KIAA0586: variants seen among roughly 807,000 people sequenced by gnomAD.
KIAA0586 encodes the protein KIAA0586.
A neutral mutation model predicts 169.8 loss-of-function variants in KIAA0586; 144 were observed. The ratio of observed to expected loss-of-function variants is 0.85; its 90% confidence interval spans 0.74 to 0.97. KIAA0586 has a LOEUF of 0.97. KIAA0586 is among the 50% of genes least tolerant of loss of function. The pLI is 0.00. For missense variants in KIAA0586, 1,854 were observed against 1,823.0 expected (o/e 1.02, Z -0.31); for synonymous variants, 625 against 612.4 (o/e 1.02, Z -0.30).
Position 58,450,752 on chromosome 14 carries a change from A to T in KIAA0586, c.1129+6A>T. 6.3e-7 allele frequency: 1 copy of T among 1,575,076 alleles called. No individual in the cohort carries two copies. Among genetic ancestry groups the T allele is most frequent in the Non-Finnish European group, 8.7e-7 (1 of 1,147,832 alleles). ...GGAAGTGTCGTGTCACAGAGGTAAT[A>T]GAGACTTTTACTAGACCTATCCCAA... On this transcript the variant is annotated splice_donor_region_variant and intron_variant, in intron 8 of 30. Transcript: ENST00000652326.
downstream of KIAA0586, among the ~76,000 whole-genome samples, chr14:58,553,806 T>TCTA (rs556409381): frequency 1.8e-3 from 277 of 152,340 alleles, 3 homozygotes; most frequent in African/African-American, 6.6e-3. Flanking sequence ...AATGCATTTT[T>TCTA]GTGTCTGTGT....
downstream of KIAA0586, among the ~76,000 whole-genome samples, chr14:58,554,263 G>A (rs572333215): frequency 5.9e-5 from 9 of 152,226 alleles, no homozygotes; most frequent in South Asian, 1.5e-3. Context: ...GTATTTCTTG[G>A]TGGGCAGATT....
chr14:58,457,422 C>T (rs1474278016), intron 10 of KIAA0586, among the ~76,000 whole-genome samples: 1 of 152,130 alleles, frequency 6.6e-6, no homozygotes, highest in Non-Finnish European at 1.5e-5. Flanking sequence ...GGTGTGCCAC[C>T]ACACCTGGCT....
At chr14:58,532,194 AAG>A (rs2046018199) in intron 29 of KIAA0586, among the ~76,000 whole-genome samples, 1 of 152,148 alleles carries the variant, frequency 6.6e-6, no homozygotes, top group Non-Finnish European at 1.5e-5. Flanking sequence ...TGAAAAAAAA[AAG>A]GAAAAAAAAA....
At chr14:58,442,370 A>T (rs1047454457) in intron 4 of KIAA0586, among the ~76,000 whole-genome samples, 1 of 152,244 alleles carries the variant, frequency 6.6e-6, no homozygotes, top group Non-Finnish European at 1.5e-5. Flanking sequence ...GGCCTCCCAA[A>T]TTGGGATTAC....
intron 29 of KIAA0586, 103 bp from the exon 30 acceptor site, chr14:58,539,968 G>T: frequency 1.5e-6 from 1 of 656,306 alleles, no homozygotes; most frequent in Non-Finnish European, 2.7e-6. Flanking sequence ...TGAGAATAAC[G>T]GTGGGAGTGC....
In KIAA0586 at chr14:58,487,018, C is replaced by T; in HGVS notation, c.3156C>T (p.Cys1052=). Residue 1052 remains cysteine (C), a synonymous_variant, in exon 22 of 31, where the codon TGC becomes TGT. Coordinates refer to ENST00000652326, the MANE Select transcript of KIAA0586 (RefSeq NM_001329943.3). ...TTTATTTATTTTAGGCAAGAGTGTG[C>T]ACCCCACTGCCTACCCCACAGCCTA... ...TNETYLPARV[C]TPLPTPQPTP... The T allele has an allele frequency of 6.2e-7, 1 of 1,604,426 alleles. No homozygotes were observed.
intron 4 of KIAA0586, 35 bp from the exon 5 acceptor site, chr14:58,442,671 T>G (rs1020546718): frequency 5.0e-6 from 7 of 1,398,090 alleles, no homozygotes; most frequent in Admixed American, 4.6e-5. Flanking sequence ...CAATGTAGTT[T>G]ACTGAATACA....
At chr14:58,444,353 G>A (rs2038672128) in intron 6 of KIAA0586, among the ~76,000 whole-genome samples, 178 bp downstream of exon 6, 2 of 152,130 alleles carry the variant, frequency 1.3e-5, no homozygotes, top group East Asian at 3.9e-4. Flanking sequence ...TATCTCAAAT[G>A]TCACTAGTTG....
chr14:58,440,697 G>T (rs1367825617), intron 4 of KIAA0586, among the ~76,000 whole-genome samples: 1 of 152,198 alleles, frequency 6.6e-6, no homozygotes, highest in Admixed American at 6.5e-5. Context: ...TTTCAGTGGT[G>T]TTATCAATCC....
intron 30 of KIAA0586, among the ~76,000 whole-genome samples, chr14:58,546,877 G>A (rs1477035210): frequency 6.6e-6 from 1 of 152,062 alleles, no homozygotes; most frequent in East Asian, 1.9e-4. Flanking sequence ...CTACTTTACA[G>A]TAGAGAGAAA....
chr14:58,536,423 T>C (rs2046295663), intron 29 of KIAA0586, among the ~76,000 whole-genome samples: 1 of 152,188 alleles, frequency 6.6e-6, no homozygotes, highest in Admixed American at 6.5e-5. Flanking sequence ...TCTGAGTTAG[T>C]TCACTTAGGT....
At position 58,550,062 on chromosome 14, in the gene KIAA0586, A is replaced by C. The variant is rs576664964; in HGVS notation, c.*2130A>C. 20 of 151,832 alleles carry C rather than the reference A, an allele frequency of 1.3e-4. No individual in the cohort carries two copies. Among genetic ancestry groups the C allele is most frequent in the African/African-American group, 4.8e-4 (20 of 41,350 alleles). The allele number at this position is 151,832 out of a possible 1,614,324, so 9.4% of individuals were successfully genotyped here. ...TGCCCAGGCTGGAGTGCAATGGCAC[A>C]ATCTTGGCTCACCGCAACCTCTGCC... On this transcript the variant is annotated 3_prime_UTR_variant, in exon 31 of 31. Coordinates refer to ENST00000652326, the MANE Select transcript of KIAA0586 (RefSeq NM_001329943.3).
rs1399660411 is a variant in KIAA0586 at position 58,466,196 on chromosome 14, G to A, written c.2254+167G>A. Among the ~76,000 whole-genome samples the A allele has an allele frequency of 7.2e-5, 11 of 152,152 alleles. No individual in the cohort carries two copies. In the South Asian group the frequency reaches 8.3e-4, roughly 11 times the overall value. ...CTCTCAAAGTGCTGGGATTACAGGC[G>A]TGAGGCACCGTGCCCAGCCATTGAA... On this transcript the variant is annotated intron_variant, in intron 15 of 30. Coordinates refer to ENST00000652326, the MANE Select transcript of KIAA0586 (RefSeq NM_001329943.3).
rs140915573 is a variant in KIAA0586 at position 58,549,230 on chromosome 14, A to T, written c.*1298A>T. On this transcript the variant is annotated 3_prime_UTR_variant, in exon 31 of 31. Transcript: ENST00000652326. ...TTTTGTAGGTTGCTAAGTGGATCTC[A>T]GCACTGGCAGCACATTAGAACCTCT... 93 of 152,252 alleles carry T rather than the reference A, an allele frequency of 6.1e-4. No homozygotes were observed. Among genetic ancestry groups the T allele is most frequent in the Middle Eastern group, 6.8e-3 (2 of 294 alleles). 9.4% of individuals were successfully genotyped at this position (152,252 alleles called of 1,614,324 possible).
chr14:58,546,760 G>A (rs939741904), intron 30 of KIAA0586, among the ~76,000 whole-genome samples: 1 of 152,116 alleles, frequency 6.6e-6, no homozygotes, highest in African/African-American at 2.4e-5. Context: ...ATCCCAAACT[G>A]CCTGCCCTCT....
intron 9 of KIAA0586, 147 bp downstream of exon 9, chr14:58,453,620 TC>T: frequency 1.8e-6 from 1 of 549,814 alleles, no homozygotes; most frequent in South Asian, 2.6e-5. Context: ...TAATATATCT[TC>T]CCCCTTTCTA....
chr14:58,557,200 G>C, the KIAA0586 span, among the ~76,000 whole-genome samples: 1 of 152,214 alleles, frequency 6.6e-6, no homozygotes, highest in Non-Finnish European at 1.5e-5. Flanking sequence ...TTAGTAGACA[G>C]ATGGACTGAT....
At chr14:58,544,293 A>G (rs2046848419) in intron 30 of KIAA0586, among the ~76,000 whole-genome samples, 1 of 152,100 alleles carries the variant, frequency 6.6e-6, no homozygotes, top group Admixed American at 6.5e-5. Flanking sequence ...GGTTGATTCC[A>G]TACCCTTCCT....
Sources: gnomAD v4.1 joint callset for allele counts (sites outside exome capture counted in the v4.1 genomes callset) on GRCh38, gnomAD v4.1.1 for gene constraint, MANE v1.5 for transcripts, NCBI Gene and HGNC (gene_info 2026-07-23, HGNC 2026-07-21) for gene names.